The following MIGA1 variants were observed in gnomAD, a reference collection of about 807,000 sequenced individuals.
MIGA1 encodes family with sequence similarity 73, member A.
Under a neutral mutation model 82.0 loss-of-function variants are expected in MIGA1, and 58 were observed. The ratio of observed to expected loss-of-function variants is 0.71; its 90% CI spans 0.57 to 0.88. MIGA1 has a LOEUF of 0.88. Among genes scored for constraint, MIGA1 ranks in the 40% least tolerant of loss-of-function variants. The pLI, the probability that MIGA1 is intolerant of heterozygous loss-of-function variation, is 0.00. For missense variants in MIGA1, 751 were observed against 749.1 expected, an observed-to-expected ratio of 1.00 and a Z score of -0.03; for synonymous variants, 249 against 253.6, an observed-to-expected ratio of 0.98 and a Z score of 0.17.
chr1:77,783,474 A>C, intron 2 of MIGA1, 123 bp downstream of exon 2: 2 of 484,294 alleles, frequency 4.1e-6, no homozygotes, highest in Non-Finnish European at 6.8e-6. Context: ...TTATTACAGT[A>C]GTTAAAAAAC....
intron 14 of MIGA1, among the ~76,000 whole-genome samples, chr1:77,867,555 T>C (rs1571018684): frequency 6.6e-6 from 1 of 152,140 alleles, no homozygotes; most frequent in Non-Finnish European, 1.5e-5. Flanking sequence ...CTCAAACTCC[T>C]GGCCTCAAGT....
intron 5 of MIGA1, among the ~76,000 whole-genome samples, chr1:77,808,696 C>T (rs1010336026): frequency 1.4e-4 from 22 of 152,134 alleles, no homozygotes; most frequent in Admixed American, 6.5e-4. Context: ...AGTGGAAATG[C>T]ATACTAAATA....
At chr1:77,781,097 T>C (rs2101669540) in intron 1 of MIGA1, among the ~76,000 whole-genome samples, 1 of 151,928 alleles carries the variant, frequency 6.6e-6, no homozygotes, top group South Asian at 2.1e-4. Context: ...GTAGTAGAGA[T>C]GGGGTTTCGC....
intron 2 of MIGA1, among the ~76,000 whole-genome samples, chr1:77,791,633 G>A (rs986767597): frequency 1.4e-5 from 2 of 146,500 alleles, no homozygotes; most frequent in Non-Finnish European, 3.0e-5. Context: ...GTGTGATCTT[G>A]GCTCATTGCA....
At chr1:77,796,616 CA>C (rs1488276845) in intron 2 of MIGA1, among the ~76,000 whole-genome samples, 4 of 152,126 alleles carry the variant, frequency 2.6e-5, no homozygotes, top group African/African-American at 9.7e-5. Context: ...ACAAATTTAC[CA>C]ACAGGTTACA....
chr1:77,858,163 A>G (rs1457296336), intron 8 of MIGA1, among the ~76,000 whole-genome samples: 1 of 152,168 alleles, frequency 6.6e-6, no homozygotes, highest in Non-Finnish European at 1.5e-5. Flanking sequence ...CCTGGCCAAC[A>G]TGGCAAAACC....
intron 7 of MIGA1, among the ~76,000 whole-genome samples, chr1:77,816,385 A>G (rs1237915801): frequency 6.6e-6 from 1 of 152,242 alleles, no homozygotes; most frequent in Non-Finnish European, 1.5e-5. Flanking sequence ...CTTTTTTAGT[A>G]TGAAGAGGAT....
intron 7 of MIGA1, among the ~76,000 whole-genome samples, chr1:77,827,087 A>G (rs1019488745): frequency 1.3e-5 from 2 of 151,528 alleles, no homozygotes; most frequent in Admixed American, 1.3e-4. Flanking sequence ...AATTACAGGC[A>G]TGAGCCACTG....
At chr1:77,822,211 T>A (rs1683843125) in intron 7 of MIGA1, among the ~76,000 whole-genome samples, 1 of 152,204 alleles carries the variant, frequency 6.6e-6, no homozygotes, top group African/African-American at 2.4e-5. Context: ...AAACACTTTG[T>A]TCAACCAGCT....
intron 8 of MIGA1, chr1:77,848,584 C>T: frequency 2.2e-6 from 3 of 1,354,042 alleles, no homozygotes; most frequent in Non-Finnish European, 3.1e-6. Flanking sequence ...AGAAGGAAAC[C>T]AGGAGAAACC....
chr1:77,813,944 G>A, intron 6 of MIGA1, 77 bp downstream of exon 6: 1 of 1,489,030 alleles, frequency 6.7e-7, no homozygotes, highest in Non-Finnish European at 9.2e-7. Context: ...GGTAGAGGTA[G>A]GGTCTCACTG....
At chr1:77,835,540 T>A (rs2101869147) in intron 7 of MIGA1, among the ~76,000 whole-genome samples, 1 of 152,322 alleles carries the variant, frequency 6.6e-6, no homozygotes, top group East Asian at 1.9e-4. Flanking sequence ...TGGGGAAAGC[T>A]TTTTAAAATG....
At chr1:77,808,597 T>G (rs1683196579) in intron 5 of MIGA1, among the ~76,000 whole-genome samples, 1 of 152,240 alleles carries the variant, frequency 6.6e-6, no homozygotes, top group African/African-American at 2.4e-5. Flanking sequence ...ACTGGAGCCC[T>G]GAAGAAGAAC....
Position 77,875,447 on chromosome 1 carries a change from C to A in MIGA1, c.*383C>A. 1 of 173,346 alleles carries A rather than the reference C, an allele frequency of 5.8e-6. No homozygotes were observed. Among genetic ancestry groups the A allele is most frequent in the South Asian group, 1.4e-4 (1 of 7,094 alleles). The allele number at this position is 173,346 out of a possible 1,614,324, so 10.7% of individuals were successfully genotyped here. A position where few individuals can be genotyped will look rare whatever the true frequency, so the allele number is the denominator to read the frequency against. ...TACACTTTAGCCAAGGTCTTTGTGG[C>A]CCACACATGCAAGAATATATTACTT... is the stretch of plus-strand genomic sequence containing the variant. On this transcript the variant is annotated 3_prime_UTR_variant, in exon 16 of 16. Transcript: ENST00000370791.
chr1:77,791,437 C>T (rs920896636), intron 2 of MIGA1, among the ~76,000 whole-genome samples: 1 of 151,896 alleles, frequency 6.6e-6, no homozygotes, highest in African/African-American at 2.4e-5. Context: ...ATTTGTTAAC[C>T]ATTCATTTAC....
At chr1:77,797,544 T>C (rs1050228969) in intron 2 of MIGA1, among the ~76,000 whole-genome samples, 2 of 152,182 alleles carry the variant, frequency 1.3e-5, no homozygotes, top group African/African-American at 4.8e-5. Flanking sequence ...GGGTTTTTTA[T>C]TTGGATTATG....
Position 77,801,351 on chromosome 1 carries a change from T to C in MIGA1, c.216T>C (p.Ala72=). ...TCCAGATCAAATTTTCTCCGGTGGC[T>C]AAAAAGTTGTTTGTGGTAACTGCAG... Residue 72 remains alanine (A), a synonymous_variant, in exon 3 of 16, where the codon GCT becomes GCC. Coordinates refer to ENST00000370791, the MANE Select transcript of MIGA1 (RefSeq NM_198549.4). 1 of 1,557,146 alleles carries C rather than the reference T, an allele frequency of 6.4e-7. No homozygotes were observed.
intron 14 of MIGA1, among the ~76,000 whole-genome samples, chr1:77,871,850 G>A (rs926350751): frequency 9.2e-5 from 14 of 152,112 alleles, no homozygotes; most frequent in African/African-American, 3.4e-4. Flanking sequence ...ATATAATTAA[G>A]TGATTGAGTT....
intron 7 of MIGA1, among the ~76,000 whole-genome samples, chr1:77,824,990 T>TG (rs1451047972): frequency 1.6e-5 from 2 of 126,016 alleles, no homozygotes; most frequent in Admixed American, 1.6e-4. Context: ...CCTCTTTTTT[T>TG]TTTTTTTTTT....
Sources: gnomAD v4.1 joint callset for allele counts (sites outside exome capture counted in the v4.1 genomes callset) on GRCh38, gnomAD v4.1.1 for gene constraint, MANE v1.5 for transcripts, NCBI Gene and HGNC (gene_info 2026-07-23, HGNC 2026-07-21) for gene names.